PHF3: variants seen among roughly 807,000 people sequenced by gnomAD.
PHF3 encodes the protein PHD finger protein 3.
A neutral mutation model predicts 178.4 loss-of-function variants in PHF3; 41 were observed. The ratio of observed to expected loss-of-function variants is 0.23; its 90% confidence interval spans 0.18 to 0.30. The LOEUF is 0.30. Ranked by LOEUF, PHF3 falls within the 10% of genes least tolerant of loss-of-function variation. PHF3 has a pLI of 1.00. For missense variants in PHF3, 2,346 were observed against 2,398.1 expected (o/e 0.98, Z 0.45); for synonymous variants, 842 against 800.5 (o/e 1.05, Z -0.88).
At chr6:63,671,439 A>C (rs1306732973) in intron 2 of PHF3, among the ~76,000 whole-genome samples, 2 of 152,124 alleles carry the variant, frequency 1.3e-5, no homozygotes, top group Admixed American at 6.6e-5. Flanking sequence ...AGCCTAGTAA[A>C]TTGTAAGGTG....
In PHF3 at chr6:63,720,753, C is replaced by T; in HGVS notation, c.*7045C>T. Reference sequence around the variant, plus strand: ...TTGAGTAACGATATTTACCTTTCTACCATATTCAAAGCCCCCTAGATAACA... The same window carrying T: ...TTGAGTAACGATATTTACCTTTCTATCATATTCAAAGCCCCCTAGATAACA... On this transcript the variant is annotated 3_prime_UTR_variant, in exon 16 of 16. Coordinates refer to ENST00000262043, the MANE Select transcript of PHF3 (RefSeq NM_001370348.2). 2.6e-6 allele frequency: 4 copies of T among 1,550,318 alleles called. No homozygotes were observed. Among genetic ancestry groups the T allele is most frequent in the Non-Finnish European group, 1.7e-6 (2 of 1,146,268 alleles).
At chr6:63,651,108 T>C (rs1241421065) in intron 2 of PHF3, among the ~76,000 whole-genome samples, 2 of 152,192 alleles carry the variant, frequency 1.3e-5, no homozygotes, top group African/African-American at 4.8e-5. Context: ...TTTTAAAAAA[T>C]TGTTTTTGAC....
At chr6:63,694,009 A>G (rs943480909) in intron 5 of PHF3, among the ~76,000 whole-genome samples, 8 of 152,176 alleles carry the variant, frequency 5.3e-5, no homozygotes, top group Non-Finnish European at 7.3e-5. Flanking sequence ...TTTTGATTGT[A>G]CCCTATTTTA....
intron 2 of PHF3, among the ~76,000 whole-genome samples, chr6:63,648,695 T>C (rs1292119970): frequency 1.3e-5 from 2 of 152,180 alleles, no homozygotes; most frequent in Non-Finnish European, 2.9e-5. Context: ...TCGTTTGTGA[T>C]TCTGTTATCT....
chr6:63,655,948 T>G (rs1765216270), intron 2 of PHF3, among the ~76,000 whole-genome samples: 1 of 152,240 alleles, frequency 6.6e-6, no homozygotes, highest in Admixed American at 6.5e-5. Context: ...CGGCCCTGCT[T>G]TAGACATTTC....
intron 2 of PHF3, among the ~76,000 whole-genome samples, chr6:63,670,316 T>C (rs1765859294): frequency 6.6e-6 from 1 of 152,198 alleles, no homozygotes; most frequent in African/African-American, 2.4e-5. Context: ...ACGCCCAGGC[T>C]GGACTGCAGT....
chr6:63,685,384 G>A lies in PHF3; in HGVS notation c.1662G>A (p.Lys554=). ...AAGTCAGAAAAAAACAAATTGATAA[G>A]GAGCCAAAGATTCAGAGTTGCAATT... ...PVKVRKKQID[K]EPKIQSCNSG... The change falls in exon 4 of 16, where the codon AAG becomes AAA. Residue 554 remains lysine, a synonymous_variant. Coordinates refer to ENST00000262043, the MANE Select transcript of PHF3 (RefSeq NM_001370348.2). 6.2e-7 allele frequency: 1 copy of A among 1,613,906 alleles called. No homozygotes were observed. The highest frequency in any genetic ancestry group is 8.5e-7 in the Non-Finnish European group (1 of 1,179,976).
chr6:63,701,544 G>T (rs1359552718), intron 9 of PHF3, among the ~76,000 whole-genome samples: 8 of 152,236 alleles, frequency 5.3e-5, no homozygotes, highest in Middle Eastern at 3.4e-3. Context: ...AATACTGGTT[G>T]TAGTTCATAT....
chr6:63,691,266 C>T (rs946269398), intron 4 of PHF3, among the ~76,000 whole-genome samples: 5 of 152,008 alleles, frequency 3.3e-5, no homozygotes, highest in African/African-American at 1.2e-4. Context: ...TTATTTAAAA[C>T]GATTTGTTGG....
At position 63,715,276 on chromosome 6, in the gene PHF3, C is replaced by G. The variant is rs1311617561; in HGVS notation, c.*1568C>G. ...TATCATAAGGTTCTAAAACAGAGAA[C>G]TTGTGTTTAAATAAAGCCCGTTTAA... On this transcript the variant is annotated 3_prime_UTR_variant, in exon 16 of 16. Coordinates refer to ENST00000262043, the MANE Select transcript of PHF3 (RefSeq NM_001370348.2). 1 of 152,086 alleles carries G rather than the reference C, an allele frequency of 6.6e-6. No homozygotes were observed. The highest frequency in any genetic ancestry group is 1.5e-5 in the Non-Finnish European group (1 of 68,006). The allele number at this position is 152,086 out of a possible 1,614,324, so 9.4% of individuals were successfully genotyped here.
chr6:63,667,011 C>T (rs1254543886), intron 2 of PHF3, among the ~76,000 whole-genome samples: 9 of 152,202 alleles, frequency 5.9e-5, no homozygotes, highest in Admixed American at 1.3e-4. Context: ...CTTGGCCTCT[C>T]AAAGTGCTGG....
chr6:63,659,795 G>A (rs1765390487), intron 2 of PHF3, among the ~76,000 whole-genome samples: 1 of 152,052 alleles, frequency 6.6e-6, no homozygotes, highest in Non-Finnish European at 1.5e-5. Context: ...TTTGTATTTT[G>A]ATTTTTGGGT....
rs769231154 is a variant in PHF3 at position 63,722,131 on chromosome 6, G to T, written c.*8423G>T. Reference sequence around the variant, plus strand: ...ATTTAATGGCATTCACTATTGTCAGGCTAGGTACCTATAAATTCTCTGCAC... The same window carrying T: ...ATTTAATGGCATTCACTATTGTCAGTCTAGGTACCTATAAATTCTCTGCAC... On this transcript the variant is annotated 3_prime_UTR_variant, in exon 16 of 16. Transcript: ENST00000262043. 6.6e-6 allele frequency among the ~76,000 whole-genome samples: 1 copy of T among 152,026 alleles called. No homozygotes were observed. The highest frequency in any genetic ancestry group is 1.5e-5 in the Non-Finnish European group (1 of 67,984).
chr6:63,708,692 ATAT>A (rs910547764), intron 13 of PHF3, among the ~76,000 whole-genome samples: 1 of 152,166 alleles, frequency 6.6e-6, no homozygotes. Flanking sequence ...AATTATTACA[ATAT>A]TATTCTCCTT....
At chr6:63,645,464 T>C (rs1336909388) in intron 1 of PHF3, among the ~76,000 whole-genome samples, 2 of 152,196 alleles carry the variant, frequency 1.3e-5, no homozygotes, top group Non-Finnish European at 2.9e-5. Context: ...AATGTTAGCA[T>C]GTATCTGAAA....
At chr6:63,647,212 G>A (rs1448009177) in intron 2 of PHF3, among the ~76,000 whole-genome samples, 1 of 152,104 alleles carries the variant, frequency 6.6e-6, no homozygotes, top group East Asian at 1.9e-4. Flanking sequence ...TGGCTGAATT[G>A]ACCTTTCTCA....
chr6:63,684,622 T>C lies in PHF3; in HGVS notation c.900T>C (p.Ile300=). 2 of 1,613,962 alleles carry C rather than the reference T, an allele frequency of 1.2e-6. No individual in the cohort carries two copies. The highest frequency in any genetic ancestry group is 1.7e-6 in the Non-Finnish European group (2 of 1,179,932). The change falls in exon 4 of 16, where the codon ATT becomes ATC. Residue 300 remains isoleucine (I), a synonymous_variant. Coordinates refer to ENST00000262043, the MANE Select transcript of PHF3 (RefSeq NM_001370348.2). ...AAGAACATGAACAAAATGATTCCAT[T>C]TCAGGTAAAACGGGTGAGACTGTTG... is the stretch of plus-strand genomic sequence containing the variant. ...DKEEHEQNDS[I]SGKTGETVVE... is the part of the protein sequence containing the mutation.
chr6:63,652,494 T>C (rs1308358784), intron 2 of PHF3, among the ~76,000 whole-genome samples: 1 of 152,208 alleles, frequency 6.6e-6, no homozygotes, highest in Non-Finnish European at 1.5e-5. Flanking sequence ...TAGGTTTCTC[T>C]TCACTCTGTT....
At chr6:63,672,131 G>A (rs1019226051) in intron 2 of PHF3, among the ~76,000 whole-genome samples, 5 of 152,186 alleles carry the variant, frequency 3.3e-5, no homozygotes, top group Non-Finnish European at 1.5e-5. Context: ...GTGAGCCACC[G>A]TGCCTGGCCA....
Sources: gnomAD v4.1 joint callset for allele counts (sites outside exome capture counted in the v4.1 genomes callset) on GRCh38, gnomAD v4.1.1 for gene constraint, MANE v1.5 for transcripts, NCBI Gene and HGNC (gene_info 2026-07-23, HGNC 2026-07-21) for gene names.